FAT3: variants seen among roughly 807,000 people sequenced by gnomAD.
The protein encoded by FAT3 is protocadherin Fat 3.
In FAT3, 95 loss-of-function variants were observed where a neutral mutation model predicts 310.2. The ratio of observed to expected loss-of-function variants is 0.31; its 90% CI spans 0.26 to 0.36. FAT3 has a LOEUF of 0.36. Among genes scored for constraint, FAT3 ranks in the 10% least tolerant of loss-of-function variants. The pLI, the probability that FAT3 is intolerant of heterozygous loss-of-function variation, is 1.00. For synonymous variants in FAT3, 2,314 were observed against 2,192.9 expected (o/e 1.06, Z -1.54); for missense variants, 5,408 against 5,715.6 (o/e 0.95, Z 1.74).
At chr11:92,602,842 G>A (rs1303426620) in intron 3 of FAT3, among the ~76,000 whole-genome samples, 1 of 152,152 alleles carries the variant, frequency 6.6e-6, no homozygotes, top group Admixed American at 6.5e-5. Context: ...AGCTTTTTGT[G>A]TCCTGTGAAC....
chr11:92,540,447 G>A (rs921492344), intron 3 of FAT3, among the ~76,000 whole-genome samples: 2 of 152,126 alleles, frequency 1.3e-5, no homozygotes, highest in Admixed American at 1.3e-4. Context: ...TTTTATTAAA[G>A]GAAGATTGTT....
chr11:92,407,840 A>G (rs960231581), intron 2 of FAT3, among the ~76,000 whole-genome samples: 23 of 152,186 alleles, frequency 1.5e-4, no homozygotes, highest in Non-Finnish European at 2.4e-4. Context: ...CTGCAGCATC[A>G]TACATTTCAT....
At chr11:92,285,348 A>G (rs1210803958) in intron 1 of FAT3, among the ~76,000 whole-genome samples, 1 of 152,166 alleles carries the variant, frequency 6.6e-6, no homozygotes, top group Non-Finnish European at 1.5e-5. Flanking sequence ...TTACTTATTG[A>G]TGTATTATTA....
intron 3 of FAT3, among the ~76,000 whole-genome samples, chr11:92,542,918 C>T (rs1424579014): frequency 6.6e-6 from 1 of 151,998 alleles, no homozygotes; most frequent in Non-Finnish European, 1.5e-5. Flanking sequence ...AGATATGGAA[C>T]CAACCTAAGT....
At chr11:92,243,839 G>A (rs2134259062) in intron 1 of FAT3, among the ~76,000 whole-genome samples, 1 of 151,956 alleles carries the variant, frequency 6.6e-6, no homozygotes, top group African/African-American at 2.4e-5. Flanking sequence ...TTTAAACAAT[G>A]GAACCAATCT....
chr11:92,845,147 G>A (rs1313674773), intron 19 of FAT3, among the ~76,000 whole-genome samples: 1 of 152,216 alleles, frequency 6.6e-6, no homozygotes, highest in African/African-American at 2.4e-5. Context: ...CACTGGGGAT[G>A]GAAAGAGCTT....
At chr11:92,624,832 G>T (rs1284275498) in intron 3 of FAT3, among the ~76,000 whole-genome samples, 1 of 152,172 alleles carries the variant, frequency 6.6e-6, no homozygotes, top group Non-Finnish European at 1.5e-5. Context: ...CAATGTTTTG[G>T]CAGGGTGGCC....
chr11:92,864,640 AC>A (rs1949194217), intron 21 of FAT3, among the ~76,000 whole-genome samples: 1 of 152,048 alleles, frequency 6.6e-6, no homozygotes, highest in African/African-American at 2.4e-5. Flanking sequence ...ACCTGGTGAA[AC>A]CCTGTCTCTA....
At chr11:92,569,742 CCTTTA>C (rs1177429541) in intron 3 of FAT3, among the ~76,000 whole-genome samples, 1 of 152,176 alleles carries the variant, frequency 6.6e-6, no homozygotes, top group Non-Finnish European at 1.5e-5. Context: ...TAATGTCCCC[CCTTTA>C]CTTGTATCAT....
At chr11:92,611,190 CAT>C (rs1940544490) in intron 3 of FAT3, among the ~76,000 whole-genome samples, 1 of 152,114 alleles carries the variant, frequency 6.6e-6, no homozygotes, top group Non-Finnish European at 1.5e-5. Flanking sequence ...CAGTGACAAT[CAT>C]AGCTCACTGC....
At chr11:92,571,278 T>G in intron 3 of FAT3, among the ~76,000 whole-genome samples, 1 of 152,120 alleles carries the variant, frequency 6.6e-6, no homozygotes, top group East Asian at 1.9e-4. Context: ...TCCCTGCTTC[T>G]TAAGGATGGC....
At chr11:92,433,410 G>A (rs959156145) in intron 2 of FAT3, among the ~76,000 whole-genome samples, 2 of 152,220 alleles carry the variant, frequency 1.3e-5, no homozygotes, top group African/African-American at 2.4e-5. Flanking sequence ...AAGACAGTGG[G>A]CAAAGCGTAG....
intron 13 of FAT3, among the ~76,000 whole-genome samples, chr11:92,827,218 G>A (rs974290494): frequency 1.3e-5 from 2 of 152,192 alleles, no homozygotes; most frequent in African/African-American, 2.4e-5. Context: ...AATCTGCTGT[G>A]TTAACTTTTC....
chr11:92,697,452 G>C lies in FAT3; in HGVS notation c.3669+7G>C, dbSNP rs377092202. ...GGCAGAACATTTTCTGGAGGTAAGC[G>C]CATAGAGGGAACTGAAATTCATTAA... On this transcript the variant is annotated splice_region_variant and intron_variant, in intron 4 of 27. Coordinates refer to ENST00000525166, the MANE Select transcript of FAT3 (RefSeq NM_001367949.2). The C allele has an allele frequency of 1.2e-6, 2 of 1,613,552 alleles. No individual in the cohort carries two copies. Among genetic ancestry groups the C allele is most frequent in the Non-Finnish European group, 8.5e-7 (1 of 1,179,610 alleles).
At chr11:92,783,798 A>C in intron 7 of FAT3, among the ~76,000 whole-genome samples, 1 of 152,168 alleles carries the variant, frequency 6.6e-6, no homozygotes, top group East Asian at 1.9e-4. Context: ...AAATAATAAA[A>C]ATGAAATTTT....
intron 3 of FAT3, among the ~76,000 whole-genome samples, chr11:92,583,678 T>C (rs1938962149): frequency 6.6e-6 from 1 of 151,986 alleles, no homozygotes; most frequent in Non-Finnish European, 1.5e-5. Flanking sequence ...AAAGGAGCTC[T>C]TATACCCTTC....
chr11:92,499,701 TTGTG>T (rs1177473369), intron 2 of FAT3, among the ~76,000 whole-genome samples: 1 of 134,630 alleles, frequency 7.4e-6, no homozygotes, highest in East Asian at 2.1e-4. Context: ...AGTCTTGATC[TTGTG>T]TGTGTGTATG....
intron 3 of FAT3, among the ~76,000 whole-genome samples, chr11:92,528,098 C>T (rs1953934082): frequency 6.6e-6 from 1 of 152,188 alleles, no homozygotes; most frequent in Non-Finnish European, 1.5e-5. Context: ...CAGATGTTCC[C>T]AACCCCAAAA....
At chr11:92,785,894 A>AAG (rs1408821854) in intron 7 of FAT3, among the ~76,000 whole-genome samples, 1 of 152,170 alleles carries the variant, frequency 6.6e-6, no homozygotes, top group Non-Finnish European at 1.5e-5. Flanking sequence ...AAAGAAGAAA[A>AAG]AGAGAGCCTA....
Sources: gnomAD v4.1 joint callset for allele counts (sites outside exome capture counted in the v4.1 genomes callset) on GRCh38, gnomAD v4.1.1 for gene constraint, MANE v1.5 for transcripts, NCBI Gene and HGNC (gene_info 2026-07-23, HGNC 2026-07-21) for gene names.